UPK1B: variants seen among roughly 807,000 people sequenced by gnomAD.
UPK1B encodes the protein uroplakin-1b.
Under a neutral mutation model 34.2 loss-of-function variants are expected in UPK1B, and 28 were observed. The observed-to-expected ratio is 0.82, with a 90% CI of 0.61 to 1.12. The LOEUF (loss-of-function observed/expected upper bound fraction) is 1.12. UPK1B is among the 50% of genes most tolerant of loss of function. UPK1B has a pLI of 0.00. For missense variants in UPK1B, 325 were observed against 320.9 expected (o/e 1.01, Z -0.10); for synonymous variants, 81 against 110.4 (o/e 0.73, Z 1.67).
chr3:119,203,361 A>AAACAAAAAC lies in UPK1B; in HGVS notation c.733-554_733-553insCAAAAACAA, dbSNP rs1228906881. On this transcript the variant is annotated intron_variant, in intron 7 of 7. Coordinates refer to ENST00000264234, the MANE Select transcript of UPK1B (RefSeq NM_006952.4). ...GTCTCAAAAAAAAAAAAAAAAAAAAAAAAAAAATCTGATATCTAACAAAGA... is the reference window on the plus strand; with the variant it reads ...GTCTCAAAAAAAAAAAAAAAAAAAAAAACAAAAACAAAAAAATCTGATATCTAACAAAGA... Among the ~76,000 whole-genome samples the AAACAAAAAC allele has an allele frequency of 8.5e-4, 128 of 151,368 alleles. 1 individual carries two copies. The highest frequency in any genetic ancestry group is 2.4e-3 in the African/African-American group (98 of 41,334).
intron 7 of UPK1B, among the ~76,000 whole-genome samples, chr3:119,200,885 A>T (rs1289207924): frequency 6.6e-6 from 1 of 152,238 alleles, no homozygotes; most frequent in Non-Finnish European, 1.5e-5. Context: ...TTTTAAGACA[A>T]CCATATTACA....
chr3:119,193,486 C>T (rs2078052588), intron 5 of UPK1B, among the ~76,000 whole-genome samples: 1 of 151,996 alleles, frequency 6.6e-6, no homozygotes, highest in African/African-American at 2.4e-5. Context: ...TGTGTTTTGT[C>T]CTCTATTCTC....
At chr3:119,177,734 C>T (rs1431662471) in intron 1 of UPK1B, among the ~76,000 whole-genome samples, 1 of 152,164 alleles carries the variant, frequency 6.6e-6, no homozygotes, top group Non-Finnish European at 1.5e-5. Context: ...TTTTGATGCA[C>T]AGCAATCCAA....
At position 119,204,275 on chromosome 3, in the gene UPK1B, C is replaced by G. The variant is rs76337943; in HGVS notation, c.*308C>G. On this transcript the variant is annotated 3_prime_UTR_variant, in exon 8 of 8. Coordinates refer to ENST00000264234, the MANE Select transcript of UPK1B (RefSeq NM_006952.4). ...GGGAAAATAAATACATTCGAAGGAA[C>G]CTGTGTTATCACAGTAACCCAGAGC... 2,918 of 333,486 alleles carry G rather than the reference C, an allele frequency of 8.7e-3. 72 individuals are homozygous for G. The highest frequency in any genetic ancestry group is 0.055 in the African/African-American group (2,687 of 48,504). 20.7% of individuals were successfully genotyped at this position (333,486 alleles called of 1,614,324 possible).
At chr3:119,197,648 T>C (rs986378000) in intron 6 of UPK1B, among the ~76,000 whole-genome samples, 3 of 152,238 alleles carry the variant, frequency 2.0e-5, no homozygotes, top group Non-Finnish European at 2.9e-5. Context: ...GCACTTGTTC[T>C]AGGTTCTAGA....
In UPK1B at chr3:119,204,992, A is replaced by G. The variant is rs1260269113; in HGVS notation, c.*1025A>G. On this transcript the variant is annotated 3_prime_UTR_variant, in exon 8 of 8. Transcript: ENST00000264234. ...GACCATTTCAAACTGGAGAGAAGCA[A>G]GCCAGCCAATAGAATGGGGTGATTT... The G allele has an allele frequency of 5.3e-5, 8 of 152,226 alleles. No homozygotes were observed. In the East Asian group the frequency reaches 1.3e-3, roughly 26 times the overall value. The allele number at this position is 152,226 out of a possible 1,614,324, so 9.4% of individuals were successfully genotyped here.
Position 119,186,756 on chromosome 3 carries a change from C to T in UPK1B, c.15C>T (p.Asn5=), listed in dbSNP as rs1490727045. The T allele has an allele frequency of 6.2e-7, 1 of 1,614,126 alleles. No homozygotes were observed. The highest frequency in any genetic ancestry group is 8.5e-7 in the Non-Finnish European group (1 of 1,180,008). MAKD[N]STVRCFQGLL... is the part of the protein sequence containing the mutation. ...AAATCCCGAAGATGGCCAAAGACAACTCAACTGTTCGTTGCTTCCAGGGCC... is the reference window on the plus strand; with the variant it reads ...AAATCCCGAAGATGGCCAAAGACAATTCAACTGTTCGTTGCTTCCAGGGCC... Residue 5 remains asparagine, a synonymous_variant, in exon 2 of 8, where the codon AAC becomes AAT. Coordinates refer to ENST00000264234, the MANE Select transcript of UPK1B (RefSeq NM_006952.4).
chr3:119,182,492 T>G (rs6797198), intron 1 of UPK1B, among the ~76,000 whole-genome samples: 102,098 of 152,126 alleles, frequency 0.67, 35,234 homozygotes, highest in East Asian at 0.84. Flanking sequence ...TTATCTCATT[T>G]AGTGATCACA....
chr3:119,175,357 G>A (rs537830795), intron 1 of UPK1B, among the ~76,000 whole-genome samples: 2 of 152,128 alleles, frequency 1.3e-5, no homozygotes, highest in East Asian at 3.9e-4. Flanking sequence ...GACTTCTCCT[G>A]CTTACAATCT....
chr3:119,191,089 C>A lies in UPK1B; in HGVS notation c.453C>A (p.Asp151Glu). The A allele has an allele frequency of 3.1e-6, 5 of 1,613,968 alleles. No homozygotes were observed. Among genetic ancestry groups the A allele is most frequent in the Non-Finnish European group, 4.2e-6 (5 of 1,179,890 alleles). ...WKNNGVTKTW[D>E]RLMLQDNCCG... ...ACAATGGAGTCACCAAAACCTGGGA[C>A]AGGCTCATGCTCCAGGTAAGACCTG... The change falls in exon 5 of 8, where the codon GAC (aspartate) becomes GAA (glutamate). Residue 151 changes from aspartate to glutamate, a missense_variant. By Grantham distance (45) the Asp-to-Glu change is conservative. Transcript: ENST00000264234.
chr3:119,191,332 C>T (rs775085238), intron 5 of UPK1B, among the ~76,000 whole-genome samples: 9 of 152,160 alleles, frequency 5.9e-5, no homozygotes, highest in Admixed American at 1.3e-4. Flanking sequence ...ACAGTGAACT[C>T]GAGTGGTAAT....
rs2078108378 is a variant in UPK1B at position 119,204,217 on chromosome 3, A to G, written c.*250A>G. 6.4e-6 allele frequency: 3 copies of G among 465,124 alleles called. No individual in the cohort carries two copies. Among genetic ancestry groups the G allele is most frequent in the Admixed American group, 3.7e-5 (1 of 27,246 alleles). 28.8% of individuals were successfully genotyped at this position (465,124 alleles called of 1,614,324 possible). On this transcript the variant is annotated 3_prime_UTR_variant, in exon 8 of 8. Transcript: ENST00000264234. ...GAAAGGAGAATTTGAAAAATGCATA[A>G]TAACTACTTCCATCCCTGCTTATTT...
At chr3:119,191,320 C>A (rs1402758806) in intron 5 of UPK1B, among the ~76,000 whole-genome samples, 1 of 152,140 alleles carries the variant, frequency 6.6e-6, no homozygotes, top group Admixed American at 6.5e-5. Context: ...TTTCTCTACC[C>A]CACAGTGAAC....
In UPK1B at chr3:119,203,992, C is replaced by G; in HGVS notation, c.*25C>G. On this transcript the variant is annotated 3_prime_UTR_variant, in exon 8 of 8. Transcript: ENST00000264234. The stretch of plus-strand genomic sequence containing the variant: ...AGCATAAAGTGTTGCCACCATACCT[C>G]CTTCCCCGAGTGACTCTGGATTTGG... 1 of 1,612,670 alleles carries G rather than the reference C, an allele frequency of 6.2e-7. No individual in the cohort carries two copies. Among genetic ancestry groups the G allele is most frequent in the Non-Finnish European group, 8.5e-7 (1 of 1,179,308 alleles).
chr3:119,174,721 A>C (rs2077944597), intron 1 of UPK1B, among the ~76,000 whole-genome samples: 1 of 152,216 alleles, frequency 6.6e-6, no homozygotes. Context: ...ATAGATATAC[A>C]TACTTTGAGT....
chr3:119,189,424 G>C (rs1247790053), intron 3 of UPK1B, among the ~76,000 whole-genome samples: 1 of 152,268 alleles, frequency 6.6e-6, no homozygotes, highest in Non-Finnish European at 1.5e-5. Context: ...CAAGCCTGGG[G>C]AAGGCAAAGC....
At chr3:119,176,273 G>A (rs2077956146) in intron 1 of UPK1B, among the ~76,000 whole-genome samples, 1 of 152,180 alleles carries the variant, frequency 6.6e-6, no homozygotes, top group Non-Finnish European at 1.5e-5. Flanking sequence ...GAGGAAAAGA[G>A]GTAATGAACT....
chr3:119,201,515 A>AG (rs1456141530), intron 7 of UPK1B, among the ~76,000 whole-genome samples: 2 of 152,196 alleles, frequency 1.3e-5, no homozygotes, highest in East Asian at 3.8e-4. Context: ...AGAACGGCAC[A>AG]GAAAAAAACC....
chr3:119,189,819 A>G (rs924399588), intron 3 of UPK1B, among the ~76,000 whole-genome samples: 2 of 152,262 alleles, frequency 1.3e-5, no homozygotes, highest in Admixed American at 1.3e-4. Flanking sequence ...TTCCAAAATT[A>G]AAGGGGATTT....
Sources: gnomAD v4.1 joint callset for allele counts (sites outside exome capture counted in the v4.1 genomes callset) on GRCh38, gnomAD v4.1.1 for gene constraint, MANE v1.5 for transcripts, NCBI Gene and HGNC (gene_info 2026-07-23, HGNC 2026-07-21) for gene names.